RBBP4: variants seen among roughly 807,000 people sequenced by gnomAD.
The protein encoded by RBBP4 is histone-binding protein RBBP4.
RBBP4 carries 3 observed loss-of-function variants against 57.2 expected under a neutral mutation model. The ratio of observed to expected loss-of-function variants is 0.05; its 90% CI spans 0.02 to 0.14. The LOEUF is 0.14. RBBP4 is among the 10% of genes least tolerant of loss of function. The pLI is 1.00. For missense variants in RBBP4, 107 were observed against 520.6 expected, an observed-to-expected ratio of 0.21 and a Z score of 7.73; for synonymous variants, 151 against 171.5, an observed-to-expected ratio of 0.88 and a Z score of 0.93.
In RBBP4 at chr1:32,680,807, T is replaced by G; in HGVS notation, c.*1102T>G. The G allele has an allele frequency of 1.2e-5, 5 of 415,604 alleles. No individual in the cohort carries two copies. The East Asian group carries it at 1.9e-4, about 16-fold the overall frequency. 25.7% of individuals were successfully genotyped at this position (415,604 alleles called of 1,614,324 possible). The stretch of plus-strand genomic sequence containing the variant: ...TAGTCCCAGAGCTGTAGAAAAGAAC[T>G]TTACTCCTTCCCAGGGAAAGTGAAA... On this transcript the variant is annotated 3_prime_UTR_variant, in exon 12 of 12. Coordinates refer to ENST00000373493, the MANE Select transcript of RBBP4 (RefSeq NM_005610.3).
Position 32,680,196 on chromosome 1 carries a change from A to T in RBBP4, c.*491A>T. The stretch of plus-strand genomic sequence containing the variant: ...CTGACTTTCCAGGATGCACATTTTC[A>T]TACGTAGACCAGTTTCCTCTTGGTT... On this transcript the variant is annotated 3_prime_UTR_variant, in exon 12 of 12. Transcript: ENST00000373493. The T allele has an allele frequency of 1.6e-5, 18 of 1,106,702 alleles. No homozygotes were observed. The highest frequency in any genetic ancestry group is 2.0e-5 in the Non-Finnish European group (18 of 907,930). The allele number at this position is 1,106,702 out of a possible 1,614,324, so 68.6% of individuals were successfully genotyped here.
In RBBP4 at chr1:32,669,660, G is replaced by T. The variant is rs766045193; in HGVS notation, c.966+97G>T. 6.1e-6 allele frequency: 9 copies of T among 1,463,940 alleles called. No individual in the cohort carries two copies. The African/African-American group carries it at 8.6e-5, about 14-fold the overall frequency. The allele number at this position is 1,463,940 out of a possible 1,614,324, so 90.7% of individuals were successfully genotyped here. A position where few individuals can be genotyped will look rare whatever the true frequency, so the allele number is the denominator to read the frequency against. On this transcript the variant is annotated intron_variant, in intron 8 of 11. Transcript: ENST00000373493. The surrounding 1 kb of genome is among the most constrained non-coding windows in gnomAD (Gnocchi z 4.9). ...AATCCCAGCACTTTGGGAGGCTGAA[G>T]CGGGCGGATCACAAGGTCAGGAGAT... is the stretch of plus-strand genomic sequence containing the variant.
At chr1:32,661,960 A>C (rs1330671950) in intron 3 of RBBP4, among the ~76,000 whole-genome samples, 1 of 123,326 alleles carries the variant, frequency 8.1e-6, no homozygotes, top group Non-Finnish European at 1.6e-5. Flanking sequence ...ATCTCGGCTC[A>C]CTGCAACTTC....
chr1:32,651,620 A>G (rs1348982135), intron 1 of RBBP4: 1 of 835,870 alleles, frequency 1.2e-6, no homozygotes, highest in Non-Finnish European at 1.8e-6. Flanking sequence ...CTTCCTACCC[A>G]CAAGGCTCGG....
In RBBP4 at chr1:32,660,440, G is replaced by A. The variant is rs544250993; in HGVS notation, c.310+2868G>A. On this transcript the variant is annotated intron_variant, in intron 3 of 11. Transcript: ENST00000373493. ...TTTATTTATTTATTTTTTTTGAGTC[G>A]GAGTCTGGCTCTGTCGCCCAGGCTG... Among the ~76,000 whole-genome samples, 23 of 11,714 alleles carry A rather than the reference G, an allele frequency of 2.0e-3. No individual in the cohort carries two copies. In the South Asian group the frequency reaches 0.055, roughly 28 times the overall value. The allele number at this position is 11,714 out of a possible 152,430, so 7.7% of individuals were successfully genotyped here.
At chr1:32,672,547 T>C (rs1437731088) in intron 9 of RBBP4, 21 bp downstream of exon 9, 2 of 1,596,888 alleles carry the variant, frequency 1.3e-6, no homozygotes, top group Non-Finnish European at 1.7e-6. Context: ...TATTCATTCC[T>C]CTCTCTACAT....
At chr1:32,679,446 A>G (rs184776703) in intron 11 of RBBP4, among the ~76,000 whole-genome samples, 194 bp from the exon 12 acceptor site, 1 of 152,314 alleles carries the variant, frequency 6.6e-6, no homozygotes, top group Admixed American at 6.5e-5. Flanking sequence ...TGATCATGCT[A>G]ATTAATATTT....
chr1:32,676,804 G>A (rs1424304495), intron 11 of RBBP4, among the ~76,000 whole-genome samples: 2 of 151,814 alleles, frequency 1.3e-5, no homozygotes, highest in South Asian at 2.1e-4. Flanking sequence ...ATAGCTGGGC[G>A]TGATGGCACG....
At chr1:32,672,587 G>A in intron 9 of RBBP4, 55 bp from the exon 10 acceptor site, 3 of 1,599,004 alleles carry the variant, frequency 1.9e-6, no homozygotes, top group Non-Finnish European at 2.6e-6. Context: ...ACTTTGCAAA[G>A]GTAGTTACTA....
At position 32,685,350 on chromosome 1, in the gene RBBP4, T is replaced by C. The variant is rs601637; in HGVS notation, c.*5645T>C. ...GGTAAGGAAGATGTCAGCAAGTCAGTCTCTGGTTTACCTGCTAGCTGGCAT... is the reference window on the plus strand; with the variant it reads ...GGTAAGGAAGATGTCAGCAAGTCAGCCTCTGGTTTACCTGCTAGCTGGCAT... On this transcript the variant is annotated 3_prime_UTR_variant, in exon 12 of 12. Transcript: ENST00000373493. 0.86 allele frequency: 131,227 copies of C among 152,110 alleles called. 58,136 individuals are homozygous for C. The highest frequency in any genetic ancestry group is 0.96 in the Non-Finnish European group (65,590 of 68,032). 9.4% of individuals were successfully genotyped at this position (152,110 alleles called of 1,614,324 possible).
In RBBP4 at chr1:32,657,511, T is replaced by C. The variant is rs762103585; in HGVS notation, c.249T>C (p.Ser83=). 6 of 1,614,012 alleles carry C rather than the reference T, an allele frequency of 3.7e-6. No homozygotes were observed. The Admixed American group carries it at 5.0e-5, about 13-fold the overall frequency. The change falls in exon 3 of 12, where the codon AGT becomes AGC. Residue 83 remains serine, a synonymous_variant. Transcript: ENST00000373493. The part of the protein sequence containing the change: ...SDEQNHLVIA[S]VQLPNDDAQF... ...AACAAAACCATCTTGTTATAGCCAGTGTGCAGCTCCCTAATGATGATGCTC... is the reference window on the plus strand; with the variant it reads ...AACAAAACCATCTTGTTATAGCCAGCGTGCAGCTCCCTAATGATGATGCTC...
rs545341695 is a variant in RBBP4, at chr1:32,666,577, G to A, written c.311-1648G>A. Among the ~76,000 whole-genome samples, 181 of 152,118 alleles carry A rather than the reference G, an allele frequency of 1.2e-3. 1 individual carries two copies. The highest frequency in any genetic ancestry group is 3.9e-3 in the African/African-American group (161 of 41,518). The stretch of plus-strand genomic sequence containing the variant: ...TTACCATATCGGTCAGGCTGGTCTC[G>A]AACTCCTGACCTCAGGTGATCTGCC... On this transcript the variant is annotated intron_variant, in intron 3 of 11. Transcript: ENST00000373493.
chr1:32,678,538 T>A (rs1649220821), intron 11 of RBBP4, among the ~76,000 whole-genome samples: 1 of 141,118 alleles, frequency 7.1e-6, no homozygotes, highest in South Asian at 2.4e-4. Context: ...GGACACCTTA[T>A]ATAAATAAAA....
At chr1:32,678,032 G>A (rs77935249) in intron 11 of RBBP4, among the ~76,000 whole-genome samples, 9 of 152,182 alleles carry the variant, frequency 5.9e-5, no homozygotes, top group East Asian at 3.9e-4. Context: ...ATAGAGATTC[G>A]GAACATATTG....
intron 11 of RBBP4, among the ~76,000 whole-genome samples, chr1:32,678,392 A>C (rs1649210495): frequency 6.6e-6 from 1 of 150,938 alleles, no homozygotes; most frequent in Admixed American, 6.6e-5. Flanking sequence ...ACGCCTGGCT[A>C]ATTTTTATAT....
chr1:32,656,047 A>C (rs1439300486), intron 2 of RBBP4, among the ~76,000 whole-genome samples: 1 of 152,242 alleles, frequency 6.6e-6, no homozygotes, highest in Admixed American at 6.5e-5. Context: ...TTAAGACGGC[A>C]TTCAGAACAC....
chr1:32,662,993 A>G (rs2148522031), intron 3 of RBBP4, among the ~76,000 whole-genome samples: 1 of 152,236 alleles, frequency 6.6e-6, no homozygotes, highest in Non-Finnish European at 1.5e-5. Context: ...TCAAAAAAAC[A>G]TAAAAATAAA....
chr1:32,666,756 G>A (rs1038146575), intron 3 of RBBP4, among the ~76,000 whole-genome samples: 3 of 152,034 alleles, frequency 2.0e-5, no homozygotes, highest in Non-Finnish European at 4.4e-5. Context: ...GTATAATAAA[G>A]AAAATAGTTA....
chr1:32,673,525 C>T, intron 11 of RBBP4: 1 of 419,018 alleles, frequency 2.4e-6, no homozygotes, highest in South Asian at 1.7e-5. Context: ...GCAACTTCCA[C>T]CTCCCAGGTT....
Sources: gnomAD v4.1 joint callset for allele counts (sites outside exome capture counted in the v4.1 genomes callset) on GRCh38, gnomAD v4.1.1 for gene constraint, Gnocchi (gnomAD v3.1) non-coding constraint, MANE v1.5 for transcripts, NCBI Gene and HGNC (gene_info 2026-07-23, HGNC 2026-07-21) for gene names.